The following DIP2B variants were observed in gnomAD, a reference collection of about 807,000 sequenced individuals.
DIP2B encodes the protein disco-interacting protein 2 homolog B.
DIP2B carries 76 observed loss-of-function variants against 198.0 expected under a neutral mutation model. That is an observed-to-expected ratio of 0.38 (90% CI 0.32 to 0.46). The LOEUF (loss-of-function observed/expected upper bound fraction) is 0.46. Ranked by LOEUF, DIP2B falls within the 20% of genes least tolerant of loss-of-function variation. The pLI, the probability that DIP2B is intolerant of heterozygous loss-of-function variation, is 0.99. For missense variants in DIP2B, 1,559 were observed against 1,978.4 expected (o/e 0.79, Z 4.02); for synonymous variants, 701 against 739.1 (o/e 0.95, Z 0.84).
intron 1 of DIP2B, among the ~76,000 whole-genome samples, chr12:50,536,497 C>T (rs997430511): frequency 6.6e-6 from 1 of 151,904 alleles, no homozygotes; most frequent in African/African-American, 2.4e-5. Flanking sequence ...ACCATCATTC[C>T]CTAATTTATA....
At position 50,671,240 on chromosome 12, in the gene DIP2B, C is replaced by T. The variant is rs757476741; in HGVS notation, c.482C>T (p.Ser161Phe). 2.5e-6 allele frequency: 4 copies of T among 1,614,100 alleles called. No individual in the cohort carries two copies. The highest frequency in any genetic ancestry group is 3.4e-6 in the Non-Finnish European group (4 of 1,180,038). The change falls in exon 5 of 38, where the codon TCT becomes TTT. Residue 161 changes from serine to phenylalanine, a missense_variant. By Grantham distance (155) the Ser-to-Phe change is radical. Coordinates refer to ENST00000301180, the MANE Select transcript of DIP2B (RefSeq NM_173602.3). ...EGSLRRQAAL[S>F]AALQQSLQNA... ...TCTCTGAGACGCCAAGCTGCGCTCTCTGCTGCCTTGCAACAGAGCTTACAG... is the reference window on the plus strand; with the variant it reads ...TCTCTGAGACGCCAAGCTGCGCTCTTTGCTGCCTTGCAACAGAGCTTACAG...
At chr12:50,711,811 T>C (rs1237177549) in intron 22 of DIP2B, among the ~76,000 whole-genome samples, 1 of 152,146 alleles carries the variant, frequency 6.6e-6, no homozygotes, top group African/African-American at 2.4e-5. Flanking sequence ...CCACCCACCT[T>C]GGCCTCCCAA....
intron 1 of DIP2B, among the ~76,000 whole-genome samples, chr12:50,622,175 C>A (rs1329030469): frequency 6.6e-6 from 1 of 152,072 alleles, no homozygotes; most frequent in African/African-American, 2.4e-5. Flanking sequence ...TTTGGTATTT[C>A]TTTTACAATA....
At chr12:50,737,538 A>G (rs1296121420) in intron 35 of DIP2B, among the ~76,000 whole-genome samples, 1 of 151,850 alleles carries the variant, frequency 6.6e-6, no homozygotes. Context: ...ATATAAATAC[A>G]TATTATTTGT....
intron 1 of DIP2B, among the ~76,000 whole-genome samples, chr12:50,527,035 A>T (rs539024814): frequency 6.6e-6 from 1 of 152,300 alleles, no homozygotes; most frequent in East Asian, 1.9e-4. Context: ...TTGTAATAAA[A>T]CCAAAATCAG....
At chr12:50,557,771 C>T (rs1036339400) in intron 1 of DIP2B, among the ~76,000 whole-genome samples, 9 of 152,196 alleles carry the variant, frequency 5.9e-5, no homozygotes. Flanking sequence ...ATGGATTCTG[C>T]AGTTCTTGTT....
chr12:50,678,776 T>C lies in DIP2B; in HGVS notation c.1014T>C (p.Ala338=). The stretch of plus-strand genomic sequence containing the variant: ...GAGTCATCTGTAACTGGCCTCCTGC[T>C]CTTGAATCTGCCCTGCAGCGCTGGG... ...PLGVICNWPP[A]LESALQRWGT... is the part of the protein sequence containing the mutation. Residue 338 remains alanine (A), a synonymous_variant, in exon 8 of 38, where the codon GCT becomes GCC. Transcript: ENST00000301180. 2 of 1,614,224 alleles carry C rather than the reference T, an allele frequency of 1.2e-6. No individual in the cohort carries two copies. Among genetic ancestry groups the C allele is most frequent in the Non-Finnish European group, 1.7e-6 (2 of 1,180,038 alleles).
At chr12:50,692,870 T>C in intron 13 of DIP2B, 79 bp from the exon 14 acceptor site, 2 of 1,222,560 alleles carry the variant, frequency 1.6e-6, no homozygotes, top group Non-Finnish European at 2.4e-6. Context: ...AAATCAGTTG[T>C]TTATAAGAGG....
intron 1 of DIP2B, among the ~76,000 whole-genome samples, chr12:50,538,077 A>G (rs1958286206): frequency 6.6e-6 from 1 of 152,202 alleles, no homozygotes; most frequent in Admixed American, 6.6e-5. Context: ...AGGAGTCTTC[A>G]TAGGGCTAAG....
At chr12:50,575,257 C>G (rs143578366) in intron 1 of DIP2B, among the ~76,000 whole-genome samples, 2 of 152,176 alleles carry the variant, frequency 1.3e-5, no homozygotes, top group East Asian at 3.9e-4. Flanking sequence ...ACTAAACTCT[C>G]TTCTAGCCAC....
chr12:50,562,336 A>G (rs1336871862), intron 1 of DIP2B, among the ~76,000 whole-genome samples: 1 of 152,106 alleles, frequency 6.6e-6, no homozygotes, highest in Non-Finnish European at 1.5e-5. Context: ...TCTTCCGTAT[A>G]TAGGGTTGGA....
chr12:50,565,266 G>A (rs1166942731), intron 1 of DIP2B, among the ~76,000 whole-genome samples: 1 of 151,688 alleles, frequency 6.6e-6, no homozygotes, highest in Non-Finnish European at 1.5e-5. Flanking sequence ...CAAAGTGCTG[G>A]GATTGCAGGC....
intron 1 of DIP2B, among the ~76,000 whole-genome samples, chr12:50,573,806 A>C (rs1958635629): frequency 6.6e-6 from 1 of 152,220 alleles, no homozygotes; most frequent in Non-Finnish European, 1.5e-5. Context: ...CTGTTGTGGA[A>C]GTATTTTGCA....
chr12:50,643,417 G>GTGTT (rs1234686687), intron 3 of DIP2B, among the ~76,000 whole-genome samples: 1 of 142,978 alleles, frequency 7.0e-6, no homozygotes, highest in Non-Finnish European at 1.5e-5. Flanking sequence ...GTGTGTGTGT[G>GTGTT]TGTGTGTGTG....
At chr12:50,677,772 C>T (rs1439578626) in intron 7 of DIP2B, among the ~76,000 whole-genome samples, 1 of 151,862 alleles carries the variant, frequency 6.6e-6, no homozygotes. Flanking sequence ...AATTAGTTCC[C>T]CACTAAACAC....
In DIP2B at chr12:50,727,729, C is replaced by G. The variant is rs772241196; in HGVS notation, c.3427C>G (p.Gln1143Glu). ...TGATTTACCCAGGAAAAGGTTACCT[C>G]AGCTGTATAAACCGCCCACTCCTGA... Reference protein sequence around the residue: ...TDDLPRKRLPQLYKPPTPEML... With the variant: ...TDDLPRKRLPELYKPPTPEML... The change falls in exon 29 of 38, where the codon CAG becomes GAG. Residue 1143 changes from glutamine to glutamate, a missense_variant. By Grantham distance (29) the Gln-to-Glu change is conservative. Coordinates refer to ENST00000301180, the MANE Select transcript of DIP2B (RefSeq NM_173602.3). 5.0e-6 allele frequency: 8 copies of G among 1,614,216 alleles called. No individual in the cohort carries two copies. Among genetic ancestry groups the G allele is most frequent in the Non-Finnish European group, 6.8e-6 (8 of 1,180,028 alleles).
At chr12:50,559,481 C>T (rs1233522802) in intron 1 of DIP2B, among the ~76,000 whole-genome samples, 1 of 151,972 alleles carries the variant, frequency 6.6e-6, no homozygotes, top group African/African-American at 2.4e-5. Context: ...TGTCTCATGC[C>T]TGTAATCCCA....
At chr12:50,703,799 A>G (rs1462767478) in intron 19 of DIP2B, among the ~76,000 whole-genome samples, 4 of 152,140 alleles carry the variant, frequency 2.6e-5, no homozygotes, top group Non-Finnish European at 4.4e-5. Context: ...GGGCTAAGTC[A>G]ACTCTTACTA....
chr12:50,582,084 T>C (rs1274307573), intron 1 of DIP2B, among the ~76,000 whole-genome samples: 1 of 151,464 alleles, frequency 6.6e-6, no homozygotes, highest in Non-Finnish European at 1.5e-5. Context: ...AGAAGGGCAG[T>C]AACTTTTTAG....
Sources: allele counts gnomAD v4.1 joint callset (sites outside exome capture counted in the v4.1 genomes callset), GRCh38; gene constraint gnomAD v4.1.1; transcripts MANE v1.5; gene names NCBI Gene and HGNC (gene_info 2026-07-23, HGNC 2026-07-21).